GPC6: variants seen among roughly 807,000 people sequenced by gnomAD.
GPC6 encodes glypican-6.
Under a neutral mutation model 55.2 loss-of-function variants are expected in GPC6, and 14 were observed. The ratio of observed to expected loss-of-function variants is 0.25; its 90% CI spans 0.17 to 0.40. The LOEUF is 0.40. Ranked by LOEUF, GPC6 falls within the 10% of genes least tolerant of loss-of-function variation. The pLI is 1.00. For synonymous variants in GPC6, 278 were observed against 259.6 expected (o/e 1.07, Z -0.68); for missense variants, 641 against 708.5 (o/e 0.90, Z 1.08).
intron 1 of GPC6, among the ~76,000 whole-genome samples, chr13:93,321,879 G>A (rs924891203): frequency 2.6e-5 from 4 of 152,044 alleles, no homozygotes; most frequent in African/African-American, 7.2e-5. Flanking sequence ...CTGCTGGATG[G>A]GCTTTCTGGT....
intron 2 of GPC6, among the ~76,000 whole-genome samples, chr13:93,603,374 G>A (rs2139527499): frequency 6.6e-6 from 1 of 152,318 alleles, no homozygotes; most frequent in East Asian, 1.9e-4. Context: ...AGACATGCAT[G>A]TATATATTTT....
chr13:93,953,370 G>A (rs1449265820), intron 3 of GPC6, among the ~76,000 whole-genome samples: 3 of 151,730 alleles, frequency 2.0e-5, no homozygotes, highest in Non-Finnish European at 2.9e-5. Context: ...TTCAGACTGG[G>A]GTTTTCAGTC....
chr13:93,511,745 G>A (rs1198142705), intron 1 of GPC6, among the ~76,000 whole-genome samples: 5 of 152,052 alleles, frequency 3.3e-5, no homozygotes, highest in Admixed American at 2.0e-4. Context: ...CATTGAATCT[G>A]TAGATTGCTT....
chr13:93,423,228 T>G (rs1311714735), intron 1 of GPC6, among the ~76,000 whole-genome samples: 1 of 152,128 alleles, frequency 6.6e-6, no homozygotes, highest in East Asian at 1.9e-4. Flanking sequence ...AAAATAACCA[T>G]CACACAGGAC....
intron 1 of GPC6, among the ~76,000 whole-genome samples, chr13:93,286,256 C>G (rs1408297964): frequency 6.6e-6 from 1 of 152,184 alleles, no homozygotes; most frequent in African/African-American, 2.4e-5. Flanking sequence ...AACTAACTCA[C>G]TATCACAAGA....
intron 1 of GPC6, among the ~76,000 whole-genome samples, chr13:93,487,556 G>A (rs1478203214): frequency 6.6e-6 from 1 of 152,012 alleles, no homozygotes; most frequent in Non-Finnish European, 1.5e-5. Flanking sequence ...AGGAACGAGG[G>A]GGTAAGGAAG....
At chr13:94,025,804 T>G (rs562027856) in intron 3 of GPC6, among the ~76,000 whole-genome samples, 3 of 152,240 alleles carry the variant, frequency 2.0e-5, no homozygotes, top group Non-Finnish European at 4.4e-5. Context: ...TTTTACTTCA[T>G]TTATTTGACT....
rs76665280 is a variant in GPC6, at chr13:93,846,290, C to T, written c.711+15745C>T. Reference sequence around the variant, plus strand: ...CAGCCACTATGCTAAGTACTTTTTACACCTTGCCATTTAGCCCTTACATTA... The same window carrying T: ...CAGCCACTATGCTAAGTACTTTTTATACCTTGCCATTTAGCCCTTACATTA... On this transcript the variant is annotated intron_variant, in intron 3 of 8. Transcript: ENST00000377047. Among the ~76,000 whole-genome samples the T allele has an allele frequency of 6.4e-3, 969 of 152,290 alleles. 7 individuals carry two copies. The highest frequency in any genetic ancestry group is 0.022 in the African/African-American group (908 of 41,568).
chr13:93,445,944 T>G (rs1190522872), intron 1 of GPC6, among the ~76,000 whole-genome samples: 2 of 152,170 alleles, frequency 1.3e-5, no homozygotes, highest in Non-Finnish European at 2.9e-5. Flanking sequence ...GAAATACACC[T>G]TCATAGGCAA....
chr13:93,217,218 C>T, the GPC6 span, among the ~76,000 whole-genome samples: 5 of 152,186 alleles, frequency 3.3e-5, no homozygotes. Context: ...TAAGTAAAAT[C>T]ATTATGAACA....
At chr13:94,117,312 C>A (rs897952320) in intron 4 of GPC6, among the ~76,000 whole-genome samples, 6 of 152,018 alleles carry the variant, frequency 3.9e-5, no homozygotes, top group African/African-American at 1.4e-4. Flanking sequence ...GGTGTTGTAT[C>A]CTGAATAATA....
intron 2 of GPC6, among the ~76,000 whole-genome samples, chr13:93,752,723 AC>A (rs763993711): frequency 6.6e-6 from 1 of 152,084 alleles, no homozygotes; most frequent in African/African-American, 2.4e-5. Flanking sequence ...GGACCTGAGG[AC>A]CTAAAGGCCT....
chr13:93,844,719 C>T (rs1359098884), intron 3 of GPC6, among the ~76,000 whole-genome samples: 5 of 145,224 alleles, frequency 3.4e-5, no homozygotes, highest in African/African-American at 1.3e-4. Flanking sequence ...AGTCCTTGCC[C>T]ACGCCTATGT....
In GPC6 at chr13:94,346,589, G is replaced by A. The variant is rs189536965; in HGVS notation, c.1153-35825G>A. 2.6e-5 allele frequency among the ~76,000 whole-genome samples: 4 copies of A among 152,170 alleles called. No individual in the cohort carries two copies. In the East Asian group the frequency reaches 7.7e-4, roughly 29 times the overall value. On this transcript the variant is annotated intron_variant, in intron 6 of 8. Transcript: ENST00000377047. ...ACAAAAAAAATAGCTGGGCGTAGTG[G>A]CGGGCACCTGTAATCCCAGGTATGC...
intron 2 of GPC6, among the ~76,000 whole-genome samples, chr13:93,786,567 T>C (rs1389668585): frequency 6.6e-6 from 1 of 151,858 alleles, no homozygotes; most frequent in Non-Finnish European, 1.5e-5. Flanking sequence ...GCCAGTCAGC[T>C]GTAAAATTTC....
intron 2 of GPC6, among the ~76,000 whole-genome samples, chr13:93,640,251 A>ATAG (rs75531992): frequency 0.19 from 28,880 of 152,026 alleles, 3,135 homozygotes; most frequent in Middle Eastern, 0.29. Context: ...GCCATATGCA[A>ATAG]TAGTATACAC....
At chr13:93,650,102 TC>T (rs2139597591) in intron 2 of GPC6, among the ~76,000 whole-genome samples, 1 of 152,312 alleles carries the variant, frequency 6.6e-6, no homozygotes, top group African/African-American at 2.4e-5. Flanking sequence ...AATACATGGA[TC>T]CTCAAACTCT....
At chr13:93,641,238 C>T (rs767025030) in intron 2 of GPC6, among the ~76,000 whole-genome samples, 2 of 150,960 alleles carry the variant, frequency 1.3e-5, no homozygotes, top group Non-Finnish European at 3.0e-5. Context: ...CTCCTCATCC[C>T]ACACACCCCA....
At chr13:93,818,421 A>G (rs1471942054) in intron 2 of GPC6, 7 of 152,172 alleles carry the variant, frequency 4.6e-5, no homozygotes, top group African/African-American at 1.2e-4. Flanking sequence ...GCATTTCTCA[A>G]TACCTTCAGT....
Sources: allele counts gnomAD v4.1 joint callset (sites outside exome capture counted in the v4.1 genomes callset), GRCh38; gene constraint gnomAD v4.1.1; transcripts MANE v1.5; gene names NCBI Gene and HGNC (gene_info 2026-07-23, HGNC 2026-07-21).